Variants in GRID2 observed in about 807,000 individuals in gnomAD.
The protein encoded by GRID2 is glutamate receptor ionotropic, delta-2.
GRID2 carries 33 observed loss-of-function variants against 114.8 expected under a neutral mutation model. The observed-to-expected ratio is 0.29, with a 90% CI of 0.22 to 0.38. GRID2 has a LOEUF of 0.38. GRID2 is among the 10% of genes least tolerant of loss of function. The pLI, the probability that GRID2 is intolerant of heterozygous loss-of-function variation, is 1.00. For synonymous variants in GRID2, 505 were observed against 449.9 expected, an observed-to-expected ratio of 1.12 and a Z score of -1.55; for missense variants, 1,184 against 1,257.7, an observed-to-expected ratio of 0.94 and a Z score of 0.89.
chr4:92,552,257 AGT>A (rs1726630224), intron 1 of GRID2, among the ~76,000 whole-genome samples: 2 of 150,436 alleles, frequency 1.3e-5, no homozygotes, highest in African/African-American at 5.0e-5. Context: ...AAAAAAAAAA[AGT>A]AGTAATATCC....
intron 2 of GRID2, among the ~76,000 whole-genome samples, chr4:92,738,766 C>T (rs777639567): frequency 1.3e-5 from 2 of 152,072 alleles, no homozygotes; most frequent in Non-Finnish European, 1.5e-5. Context: ...ATTCTCCTAC[C>T]TCAGCCTCCT....
chr4:93,152,154 A>G, intron 4 of GRID2, among the ~76,000 whole-genome samples: 1 of 152,176 alleles, frequency 6.6e-6, no homozygotes. Context: ...GAGTAAAAAT[A>G]CATACAAAAT....
intron 2 of GRID2, among the ~76,000 whole-genome samples, chr4:92,890,720 A>G (rs1338697136): frequency 1.3e-5 from 2 of 152,162 alleles, no homozygotes; most frequent in Non-Finnish European, 2.9e-5. Flanking sequence ...CCTCAAGGAT[A>G]TAGAACCAGA....
intron 2 of GRID2, among the ~76,000 whole-genome samples, chr4:92,753,625 T>G (rs1560572989): frequency 6.6e-6 from 1 of 152,292 alleles, no homozygotes; most frequent in Middle Eastern, 3.4e-3. Flanking sequence ...GTGTGCAGTT[T>G]AATTTCTATA....
intron 1 of GRID2, among the ~76,000 whole-genome samples, chr4:92,494,483 AAAT>A (rs1275516900): frequency 1.3e-5 from 2 of 151,992 alleles, no homozygotes; most frequent in African/African-American, 4.8e-5. Context: ...CACATGAGAA[AAAT>A]AATATTGTTT....
chr4:92,923,383 A>G (rs1222065548), intron 2 of GRID2, among the ~76,000 whole-genome samples: 4 of 152,194 alleles, frequency 2.6e-5, no homozygotes, highest in Admixed American at 2.6e-4. Flanking sequence ...AAAGCTTTTC[A>G]GAATTAAAAT....
intron 2 of GRID2, among the ~76,000 whole-genome samples, chr4:92,655,308 G>A (rs1397090837): frequency 6.6e-6 from 1 of 151,858 alleles, no homozygotes; most frequent in Non-Finnish European, 1.5e-5. Context: ...TCGCAGTTAG[G>A]TAGTATGATG....
At chr4:93,698,073 A>G (rs914172715) in intron 14 of GRID2, among the ~76,000 whole-genome samples, 1 of 151,890 alleles carries the variant, frequency 6.6e-6, no homozygotes, top group Non-Finnish European at 1.5e-5. Context: ...ACTCTTGTAC[A>G]TATGCTGATA....
At chr4:93,436,630 T>C (rs1236988272) in intron 10 of GRID2, among the ~76,000 whole-genome samples, 1 of 152,120 alleles carries the variant, frequency 6.6e-6, no homozygotes, top group East Asian at 1.9e-4. Flanking sequence ...AAACTATCAA[T>C]AGTTACATGT....
intron 4 of GRID2, among the ~76,000 whole-genome samples, chr4:93,126,584 C>CTT (rs60017147): frequency 0.12 from 6,141 of 52,794 alleles, 1,651 homozygotes; most frequent in Admixed American, 0.18. Context: ...CTATTTAATT[C>CTT]TTTTTTTTTT....
At chr4:93,429,152 C>A (rs993873208) in intron 10 of GRID2, among the ~76,000 whole-genome samples, 3 of 152,176 alleles carry the variant, frequency 2.0e-5, no homozygotes, top group African/African-American at 4.8e-5. Context: ...GACGGCTCTT[C>A]TCTTTCTTTT....
At chr4:93,730,383 T>C (rs1730372469) in intron 14 of GRID2, among the ~76,000 whole-genome samples, 1 of 152,222 alleles carries the variant, frequency 6.6e-6, no homozygotes, top group African/African-American at 2.4e-5. Context: ...CCAGGTCATA[T>C]GGTGTGAACT....
Position 92,720,373 on chromosome 4 carries a change from C to T in GRID2, c.244+130087C>T, listed in dbSNP as rs10034444. ...ATTGTTACAGTAATTCTTTAAAATA[C>T]GTTTGGTAGACTATTTAAAACATTA... On this transcript the variant is annotated intron_variant, in intron 2 of 15. Transcript: ENST00000282020. Among the ~76,000 whole-genome samples, 214 of 151,956 alleles carry T rather than the reference C, an allele frequency of 1.4e-3. 2 individuals are homozygous for T. Among genetic ancestry groups the T allele is most frequent in the African/African-American group, 4.9e-3 (205 of 41,464 alleles).
At chr4:92,498,928 T>TA (rs11303897) in intron 1 of GRID2, among the ~76,000 whole-genome samples, 3,438 of 137,708 alleles carry the variant, frequency 0.025, 130 homozygotes, top group African/African-American at 0.086. Flanking sequence ...CTTATTTAGG[T>TA]AAAAAAAAAA....
chr4:93,414,547 A>G (rs1767515542), intron 9 of GRID2, among the ~76,000 whole-genome samples: 1 of 152,022 alleles, frequency 6.6e-6, no homozygotes, highest in Admixed American at 6.6e-5. Flanking sequence ...CTGTATTTAT[A>G]CTTACTCTTT....
At chr4:92,995,947 G>GT (rs763018860) in intron 2 of GRID2, among the ~76,000 whole-genome samples, 186 of 146,734 alleles carry the variant, frequency 1.3e-3, no homozygotes, top group Middle Eastern at 3.5e-3. Context: ...ATTTTAAACA[G>GT]TTTTTTTTTT....
intron 14 of GRID2, among the ~76,000 whole-genome samples, chr4:93,680,357 G>A (rs1725390194): frequency 6.6e-6 from 1 of 151,722 alleles, no homozygotes; most frequent in African/African-American, 2.4e-5. Context: ...GTACAAGGAG[G>A]AACTGGTACC....
intron 1 of GRID2, among the ~76,000 whole-genome samples, chr4:93,782,210 C>T (rs61564029): frequency 0.024 from 3,698 of 152,046 alleles, 146 homozygotes; most frequent in African/African-American, 0.084. Flanking sequence ...CCTTAAGGAC[C>T]TTGGCTTCTA....
chr4:92,398,942 C>T (rs758785360), intron 1 of GRID2, among the ~76,000 whole-genome samples: 1 of 152,166 alleles, frequency 6.6e-6, no homozygotes, highest in Non-Finnish European at 1.5e-5. Context: ...CAGATAGTCT[C>T]ATAAAGTCCG....
Sources: allele counts gnomAD v4.1 joint callset (sites outside exome capture counted in the v4.1 genomes callset), GRCh38; gene constraint gnomAD v4.1.1; transcripts MANE v1.5; gene names NCBI Gene and HGNC (gene_info 2026-07-23, HGNC 2026-07-21).